The following MACROD2 variants were observed in gnomAD, a reference collection of about 807,000 sequenced individuals.
MACROD2 encodes ADP-ribose glycohydrolase MACROD2.
MACROD2 carries 36 observed loss-of-function variants against 70.4 expected under a neutral mutation model. That is an observed-to-expected ratio of 0.51 (90% CI 0.39 to 0.68). The LOEUF is 0.68. Ranked by LOEUF, MACROD2 falls within the 30% of genes least tolerant of loss-of-function variation. The pLI is 0.00. For synonymous variants in MACROD2, 172 were observed against 178.8 expected (o/e 0.96, Z 0.30); for missense variants, 496 against 538.4 (o/e 0.92, Z 0.78).
chr20:15,120,073 T>C (rs1207817553), intron 5 of MACROD2, among the ~76,000 whole-genome samples: 1 of 152,232 alleles, frequency 6.6e-6, no homozygotes, highest in African/African-American at 2.4e-5. Flanking sequence ...TTGCTGCTGC[T>C]TGCACTTTAG....
rs897655362 is a variant in MACROD2, at chr20:14,230,991, C to CT, written c.271+145275dup. ...TGAGCAGTAATATTTTGAAAGGAAT[C>CT]TTTTTTTTTTTTCTGAGCAGTAAGT... On this transcript the variant is annotated intron_variant, in intron 3 of 17. Coordinates refer to ENST00000684519, the MANE Select transcript of MACROD2 (RefSeq NM_001351661.2). 3.0e-3 allele frequency among the ~76,000 whole-genome samples: 421 copies of CT among 142,338 alleles called. 1 individual carries two copies. Among genetic ancestry groups the CT allele is most frequent in the African/African-American group, 6.7e-3 (261 of 38,976 alleles). The allele number at this position is 142,338 out of a possible 152,430, so 93.4% of individuals were successfully genotyped here.
At chr20:14,619,783 A>G (rs1286346238) in intron 4 of MACROD2, among the ~76,000 whole-genome samples, 1 of 152,106 alleles carries the variant, frequency 6.6e-6, no homozygotes, top group Non-Finnish European at 1.5e-5. Context: ...ATAACAAACA[A>G]CTGCAGAATC....
intron 8 of MACROD2, among the ~76,000 whole-genome samples, chr20:15,754,802 T>A (rs1371310071): frequency 6.6e-6 from 1 of 150,932 alleles, no homozygotes; most frequent in Non-Finnish European, 1.5e-5. Context: ...TATGTTAGAA[T>A]CACCTGGAGG....
chr20:15,189,293 A>T (rs1489063277), intron 5 of MACROD2, among the ~76,000 whole-genome samples: 1 of 151,982 alleles, frequency 6.6e-6, no homozygotes, highest in African/African-American at 2.4e-5. Flanking sequence ...TATTATTAAA[A>T]TTCTAGAAAT....
chr20:14,287,716 C>T (rs1160684853), intron 3 of MACROD2, among the ~76,000 whole-genome samples: 5 of 152,242 alleles, frequency 3.3e-5, no homozygotes, highest in African/African-American at 1.2e-4. Context: ...CATTTACAGG[C>T]TCAACTTAGA....
intron 8 of MACROD2, among the ~76,000 whole-genome samples, chr20:15,686,741 C>T (rs894886328): frequency 5.3e-5 from 8 of 151,964 alleles, no homozygotes; most frequent in Middle Eastern, 3.4e-3. Flanking sequence ...GGCGTGGTGG[C>T]GCACGCCTAT....
intron 8 of MACROD2, among the ~76,000 whole-genome samples, chr20:15,708,631 T>G (rs1361793156): frequency 7.1e-6 from 1 of 140,744 alleles, no homozygotes; most frequent in Non-Finnish European, 1.6e-5. Flanking sequence ...TTTCAGCACT[T>G]TGGGAGCGAG....
At chr20:14,331,534 A>G (rs549815727) in intron 3 of MACROD2, among the ~76,000 whole-genome samples, 20 of 152,240 alleles carry the variant, frequency 1.3e-4, no homozygotes, top group African/African-American at 4.6e-4. Context: ...AAAAGGCAAA[A>G]ACATAAAACA....
chr20:15,163,456 CTAAT>C lies in MACROD2; in HGVS notation c.419-66480_419-66477del, dbSNP rs370774692. On this transcript the variant is annotated intron_variant, in intron 5 of 17. Coordinates refer to ENST00000684519, the MANE Select transcript of MACROD2 (RefSeq NM_001351661.2). ...AGGAGATTTAGAAATAGCATTCTCACTAATTAAGAGGTAAATCTAATACAACAAA... is the reference window on the plus strand; with the variant it reads ...AGGAGATTTAGAAATAGCATTCTCACTAAGAGGTAAATCTAATACAACAAA... Among the ~76,000 whole-genome samples, 35 of 152,068 alleles carry C rather than the reference CTAAT, an allele frequency of 2.3e-4. No individual in the cohort carries two copies. The East Asian group carries it at 6.8e-3, about 29-fold the overall frequency.
intron 3 of MACROD2, among the ~76,000 whole-genome samples, chr20:14,169,853 C>T (rs1445199903): frequency 6.6e-6 from 1 of 151,834 alleles, no homozygotes; most frequent in Admixed American, 6.6e-5. Context: ...TAACCTAAGC[C>T]ATTATCCTCT....
At chr20:15,701,030 G>C (rs1434716330) in intron 8 of MACROD2, among the ~76,000 whole-genome samples, 1 of 152,202 alleles carries the variant, frequency 6.6e-6, no homozygotes, top group East Asian at 1.9e-4. Context: ...TGGTTCAGCT[G>C]ATCTGGGAAC....
chr20:15,081,751 A>T (rs897998706), intron 5 of MACROD2, among the ~76,000 whole-genome samples: 11 of 152,104 alleles, frequency 7.2e-5, no homozygotes, highest in South Asian at 2.1e-4. Flanking sequence ...GCTATTTTTT[A>T]AAAAATGGCA....
chr20:15,340,383 G>A (rs1400577729), intron 6 of MACROD2, among the ~76,000 whole-genome samples: 3 of 151,610 alleles, frequency 2.0e-5, no homozygotes, highest in South Asian at 2.1e-4. Flanking sequence ...TGATCCATCC[G>A]CCTCGGACTC....
chr20:15,504,808 T>C (rs2047405671), intron 8 of MACROD2, among the ~76,000 whole-genome samples: 1 of 152,160 alleles, frequency 6.6e-6, no homozygotes, highest in African/African-American at 2.4e-5. Context: ...ATTACAGAAA[T>C]AGGTGAGCAA....
intron 5 of MACROD2, among the ~76,000 whole-genome samples, chr20:15,063,180 G>A (rs1020556839): frequency 3.5e-4 from 54 of 152,140 alleles, no homozygotes; most frequent in African/African-American, 1.2e-3. Flanking sequence ...ATGATACGCT[G>A]GAGTAAAGGA....
chr20:15,410,119 G>A (rs1441162091), intron 6 of MACROD2, among the ~76,000 whole-genome samples: 1 of 152,048 alleles, frequency 6.6e-6, no homozygotes, highest in African/African-American at 2.4e-5. Flanking sequence ...TATACATGAT[G>A]GAGGAATAAT....
chr20:14,488,326 C>G (rs1788058511), intron 3 of MACROD2, among the ~76,000 whole-genome samples: 1 of 152,162 alleles, frequency 6.6e-6, no homozygotes, highest in Non-Finnish European at 1.5e-5. Flanking sequence ...ATTTTTGTAA[C>G]TGAGCCAGTA....
At chr20:15,452,962 G>C (rs933924710) in intron 7 of MACROD2, among the ~76,000 whole-genome samples, 2 of 152,146 alleles carry the variant, frequency 1.3e-5, no homozygotes, top group Non-Finnish European at 2.9e-5. Flanking sequence ...TTTAGGACTA[G>C]AGATTTTGTC....
intron 3 of MACROD2, among the ~76,000 whole-genome samples, chr20:14,493,098 G>A (rs1054307327): frequency 6.6e-6 from 1 of 151,554 alleles, no homozygotes; most frequent in African/African-American, 2.4e-5. Context: ...ATACTTTTTT[G>A]TTACATCGTC....
Sources: allele counts gnomAD v4.1 joint callset (sites outside exome capture counted in the v4.1 genomes callset), GRCh38; gene constraint gnomAD v4.1.1; transcripts MANE v1.5; gene names NCBI Gene and HGNC (gene_info 2026-07-23, HGNC 2026-07-21).